Variants in PAK1 observed in about 807,000 individuals in gnomAD.
PAK1 encodes serine/threonine-protein kinase PAK 1.
A neutral mutation model predicts 67.4 loss-of-function variants in PAK1; 29 were observed. The observed-to-expected ratio is 0.43, with a 90% CI of 0.32 to 0.59. PAK1 has a LOEUF of 0.59. Among genes scored for constraint, PAK1 ranks in the 20% least tolerant of loss-of-function variants. The pLI is 0.07. For missense variants in PAK1, 337 were observed against 670.7 expected (o/e 0.50, Z 5.50); for synonymous variants, 223 against 237.4 (o/e 0.94, Z 0.56).
chr11:77,490,021 C>T, the PAK1 span, among the ~76,000 whole-genome samples: 4 of 151,026 alleles, frequency 2.6e-5, no homozygotes, highest in African/African-American at 9.8e-5. Flanking sequence ...TCTTCCCGGC[C>T]GCCATCCCAT....
intron 8 of PAK1, among the ~76,000 whole-genome samples, chr11:77,350,871 T>C (rs1241293794): frequency 6.6e-6 from 1 of 152,120 alleles, no homozygotes; most frequent in East Asian, 1.9e-4. Context: ...TATCTTCTGT[T>C]ATAAAGCTGG....
chr11:77,516,083 G>A, the PAK1 span, among the ~76,000 whole-genome samples: 1 of 152,202 alleles, frequency 6.6e-6, no homozygotes, highest in South Asian at 2.1e-4. Flanking sequence ...ATTTGGTCAA[G>A]TCACTTAACC....
the PAK1 span, among the ~76,000 whole-genome samples, chr11:77,491,336 C>T: frequency 6.6e-6 from 1 of 151,792 alleles, no homozygotes; most frequent in African/African-American, 2.4e-5. Flanking sequence ...TAAATAGAAA[C>T]AACAAAAAGT....
At chr11:77,526,550 T>A in the PAK1 span, among the ~76,000 whole-genome samples, 1 of 152,358 alleles carries the variant, frequency 6.6e-6, no homozygotes, top group East Asian at 1.9e-4. Flanking sequence ...AACAATATTA[T>A]ATGTGTGGTT....
At position 77,379,292 on chromosome 11, in the gene PAK1, AC is replaced by A. The variant is rs1949516794; in HGVS notation, c.387del (p.Glu129AspfsTer15). On this transcript the variant is annotated frameshift_variant, in exon 4 of 15. Transcript: ENST00000356341. LOFTEE classifies it high-confidence loss of function. The stretch of plus-strand genomic sequence containing the variant: ...TTGGATGTCTTCTTCGAGTTGTAAA[AC>A]TCCAACACATCCAGAACAGCCTGCG... ...KNPQAVLDVL[E>X]FYNSKKTSNS... is the part of the protein sequence containing the mutation. The A allele has an allele frequency of 6.2e-7, 1 of 1,612,730 alleles. No homozygotes were observed. The highest frequency in any genetic ancestry group is 1.3e-5 in the African/African-American group (1 of 74,618).
intron 5 of PAK1, among the ~76,000 whole-genome samples, chr11:77,362,603 T>C (rs530723615): frequency 6.6e-6 from 1 of 152,242 alleles, no homozygotes; most frequent in Non-Finnish European, 1.5e-5. Flanking sequence ...TTCTCTCACT[T>C]TCCTCAGTTA....
chr11:77,416,666 A>G (rs557804000), intron 1 of PAK1, among the ~76,000 whole-genome samples: 11 of 152,320 alleles, frequency 7.2e-5, no homozygotes, highest in African/African-American at 2.2e-4. Flanking sequence ...TATAACACAT[A>G]TAATTGGCCA....
At chr11:77,399,794 G>C (rs1355595164) in intron 1 of PAK1, among the ~76,000 whole-genome samples, 1 of 122,068 alleles carries the variant, frequency 8.2e-6, no homozygotes, top group Non-Finnish European at 1.6e-5. Context: ...GGGAGGCGGA[G>C]CTTGCAGTGA....
Position 77,375,601 on chromosome 11 carries a change from C to T in PAK1, c.440-1236G>A, listed in dbSNP as rs964809378. ...CTAAAGCATGTTATGGTTTAATTGGCAGCTTTATTTTCTTTGATTGGTATG... is the reference window on the plus strand; with the variant it reads ...CTAAAGCATGTTATGGTTTAATTGGTAGCTTTATTTTCTTTGATTGGTATG... On this transcript the variant is annotated intron_variant, in intron 4 of 14. Transcript: ENST00000356341. 4.6e-5 allele frequency among the ~76,000 whole-genome samples: 7 copies of T among 152,292 alleles called. No homozygotes were observed. The South Asian group carries it at 6.2e-4, about 14-fold the overall frequency.
At chr11:77,520,011 T>TCCC in the PAK1 span, among the ~76,000 whole-genome samples, 3 of 108,118 alleles carry the variant, frequency 2.8e-5, no homozygotes, top group African/African-American at 1.1e-4. Context: ...GGCCCCCCCC[T>TCCC]CCGCCCGTGG....
chr11:77,422,100 T>G (rs1955296277), intron 1 of PAK1, among the ~76,000 whole-genome samples: 1 of 152,186 alleles, frequency 6.6e-6, no homozygotes, highest in African/African-American at 2.4e-5. Flanking sequence ...CTGAAAGTAT[T>G]TGATAGTATT....
chr11:77,322,123 C>T lies in PAK1; in HGVS notation c.*1151G>A. The T allele has an allele frequency of 4.6e-6, 1 of 217,228 alleles. No individual in the cohort carries two copies. Among genetic ancestry groups the T allele is most frequent in the African/African-American group, 2.2e-5 (1 of 44,512 alleles). 13.5% of individuals were successfully genotyped at this position (217,228 alleles called of 1,614,324 possible). A position where few individuals can be genotyped will look rare whatever the true frequency, so the allele number is the denominator to read the frequency against. ...TCAATGGGGCTGACATGACAAGCCA[C>T]AATGCTGGCCAGGGGTCCTACCATA... is the stretch of plus-strand genomic sequence containing the variant. On this transcript the variant is annotated 3_prime_UTR_variant, in exon 15 of 15. Transcript: ENST00000356341.
At chr11:77,457,029 C>A (rs1467981614) in intron 1 of PAK1, among the ~76,000 whole-genome samples, 2 of 152,150 alleles carry the variant, frequency 1.3e-5, no homozygotes, top group African/African-American at 4.8e-5. Context: ...GCATGAACTG[C>A]CGCACCCAGC....
At chr11:77,430,538 A>C (rs547822280) in intron 1 of PAK1, among the ~76,000 whole-genome samples, 15 of 152,238 alleles carry the variant, frequency 9.9e-5, no homozygotes, top group Admixed American at 2.0e-4. Context: ...TCCTTTCTTA[A>C]AATGGACCAA....
At chr11:77,332,965 C>G in intron 13 of PAK1, 98 bp from the exon 14 acceptor site, 1 of 1,118,718 alleles carries the variant, frequency 8.9e-7, no homozygotes, top group Non-Finnish European at 1.3e-6. Context: ...GCTTTATGCT[C>G]TAGGATGCAA....
In PAK1 at chr11:77,322,392, C is replaced by A. The variant is rs139542140; in HGVS notation, c.*882G>T. 4.8e-3 allele frequency: 948 copies of A among 196,398 alleles called. 10 individuals are homozygous for A. Among genetic ancestry groups the A allele is most frequent in the African/African-American group, 0.021 (908 of 43,432 alleles). 12.2% of individuals were successfully genotyped at this position (196,398 alleles called of 1,614,324 possible). A position where few individuals can be genotyped will look rare whatever the true frequency, so the allele number is the denominator to read the frequency against. On this transcript the variant is annotated 3_prime_UTR_variant, in exon 15 of 15. Coordinates refer to ENST00000356341, the MANE Select transcript of PAK1 (RefSeq NM_002576.5). ...GAAGATCCAAGTTAATCTTTCAGCT[C>A]CTTATCCTAGGCAGAAAAAGGGGCT...
chr11:77,373,041 C>T (rs1401883200), intron 5 of PAK1, among the ~76,000 whole-genome samples: 1 of 152,170 alleles, frequency 6.6e-6, no homozygotes, highest in Non-Finnish European at 1.5e-5. Context: ...CAAGCACAAA[C>T]AGGAATCATG....
At chr11:77,423,791 AT>A (rs1041319055) in intron 1 of PAK1, among the ~76,000 whole-genome samples, 2 of 152,182 alleles carry the variant, frequency 1.3e-5, no homozygotes, top group African/African-American at 4.8e-5. Context: ...CACTGACAAT[AT>A]GTAAATGAAT....
chr11:77,494,989 T>C, the PAK1 span, among the ~76,000 whole-genome samples: 35 of 150,956 alleles, frequency 2.3e-4, no homozygotes, highest in East Asian at 6.9e-3. Flanking sequence ...CAGTGAAACC[T>C]TGTCTCTACT....
Sources: gnomAD v4.1 joint callset for allele counts (sites outside exome capture counted in the v4.1 genomes callset) on GRCh38, gnomAD v4.1.1 for gene constraint, MANE v1.5 for transcripts, NCBI Gene and HGNC (gene_info 2026-07-23, HGNC 2026-07-21) for gene names.